The following CDH12 variants were observed in gnomAD, a reference collection of about 807,000 sequenced individuals.
CDH12 encodes cadherin-12.
A neutral mutation model predicts 74.1 loss-of-function variants in CDH12; 41 were observed. The ratio of observed to expected loss-of-function variants is 0.55; its 90% confidence interval spans 0.43 to 0.72. The LOEUF is 0.72. Ranked by LOEUF, CDH12 falls within the 30% of genes least tolerant of loss-of-function variation. The pLI, the probability that CDH12 is intolerant of heterozygous loss-of-function variation, is 0.00. For synonymous variants in CDH12, 399 were observed against 355.0 expected (o/e 1.12, Z -1.39); for missense variants, 945 against 977.2 (o/e 0.97, Z 0.44).
At chr5:22,246,134 A>G (rs1752937250) in intron 3 of CDH12, among the ~76,000 whole-genome samples, 1 of 152,176 alleles carries the variant, frequency 6.6e-6, no homozygotes, top group African/African-American at 2.4e-5. Context: ...GATATTTTAT[A>G]TTTTGAATAA....
intron 1 of CDH12, among the ~76,000 whole-genome samples, chr5:22,564,750 T>C (rs1739211988): frequency 6.6e-6 from 1 of 152,212 alleles, no homozygotes; most frequent in Non-Finnish European, 1.5e-5. Context: ...TTTAACTTTG[T>C]TTCACTGTGT....
chr5:22,190,782 A>T (rs1750229783), intron 4 of CDH12, among the ~76,000 whole-genome samples: 1 of 152,234 alleles, frequency 6.6e-6, no homozygotes, highest in South Asian at 2.1e-4. Flanking sequence ...AAGCCTGTTG[A>T]CTTCAATTAA....
intron 2 of CDH12, among the ~76,000 whole-genome samples, chr5:22,448,904 T>C (rs1744934580): frequency 6.6e-6 from 1 of 151,908 alleles, no homozygotes; most frequent in Non-Finnish European, 1.5e-5. Flanking sequence ...TTTCAAGAAA[T>C]GTCAATAAAA....
At chr5:22,701,074 T>C (rs1389449461) in intron 1 of CDH12, among the ~76,000 whole-genome samples, 1 of 152,162 alleles carries the variant, frequency 6.6e-6, no homozygotes, top group East Asian at 1.9e-4. Context: ...ATTGTTAATC[T>C]GATCTGATCT....
At chr5:22,401,909 A>T (rs1205911895) in intron 3 of CDH12, among the ~76,000 whole-genome samples, 1 of 152,192 alleles carries the variant, frequency 6.6e-6, no homozygotes, top group African/African-American at 2.4e-5. Flanking sequence ...GCCAAGGAAC[A>T]TGAGGGTTAG....
At chr5:22,446,703 T>C (rs931848728) in intron 2 of CDH12, among the ~76,000 whole-genome samples, 1 of 152,126 alleles carries the variant, frequency 6.6e-6, no homozygotes, top group Non-Finnish European at 1.5e-5. Flanking sequence ...GCTATAATTG[T>C]CCAATCGATT....
chr5:22,546,481 T>G (rs891520362), intron 1 of CDH12, among the ~76,000 whole-genome samples: 29 of 152,138 alleles, frequency 1.9e-4, no homozygotes, highest in Non-Finnish European at 2.9e-4. Context: ...CTTCCATATA[T>G]CAGGTCAGTT....
Position 22,144,650 on chromosome 5 carries a change from G to T in CDH12, c.-186-65788C>A, listed in dbSNP as rs189675529. Among the ~76,000 whole-genome samples the T allele has an allele frequency of 1.8e-4, 28 of 152,090 alleles. No homozygotes were observed. The East Asian group carries it at 5.4e-3, about 29-fold the overall frequency. On this transcript the variant is annotated intron_variant, in intron 4 of 14. Coordinates refer to ENST00000382254, the MANE Select transcript of CDH12 (RefSeq NM_004061.5). Reference sequence around the variant, plus strand: ...TTTAACTAATACTGGTTCTCTACCTGCTTAGATTAACTGGTAAGAATCTTA... The same window carrying T: ...TTTAACTAATACTGGTTCTCTACCTTCTTAGATTAACTGGTAAGAATCTTA...
chr5:21,809,459 T>C (rs979509147), intron 9 of CDH12, among the ~76,000 whole-genome samples: 1 of 152,132 alleles, frequency 6.6e-6, no homozygotes, highest in Non-Finnish European at 1.5e-5. Context: ...TTATCTTTTC[T>C]AACATGCATT....
At chr5:22,247,888 A>G (rs2150385425) in intron 3 of CDH12, among the ~76,000 whole-genome samples, 1 of 152,298 alleles carries the variant, frequency 6.6e-6, no homozygotes, top group Non-Finnish European at 1.5e-5. Context: ...ACATATGCTC[A>G]AACCTTAAAC....
intron 3 of CDH12, among the ~76,000 whole-genome samples, chr5:22,383,675 C>G (rs1741865163): frequency 1.3e-5 from 2 of 152,172 alleles, no homozygotes; most frequent in Non-Finnish European, 2.9e-5. Context: ...AAAATAATCT[C>G]CCAATTCATG....
In CDH12 at chr5:22,153,613, A is replaced by C. The variant is rs185713826; in HGVS notation, c.-187+58885T>G. On this transcript the variant is annotated intron_variant, in intron 4 of 14. Coordinates refer to ENST00000382254, the MANE Select transcript of CDH12 (RefSeq NM_004061.5). The stretch of plus-strand genomic sequence containing the variant: ...TAAGCCTCAGTTTCTTTATCTGTAA[A>C]GTGGGAGTTACAGTGGTATTATCTC... 4.4e-3 allele frequency among the ~76,000 whole-genome samples: 665 copies of C among 151,168 alleles called. 4 individuals are homozygous for C. The highest frequency in any genetic ancestry group is 0.016 in the African/African-American group (642 of 41,314).
chr5:21,838,319 G>A (rs1413095770), intron 8 of CDH12, among the ~76,000 whole-genome samples: 1 of 152,120 alleles, frequency 6.6e-6, no homozygotes, highest in Non-Finnish European at 1.5e-5. Flanking sequence ...CAGCACTTTG[G>A]GAGGCCAAGG....
At chr5:22,295,551 A>G (rs984422055) in intron 3 of CDH12, among the ~76,000 whole-genome samples, 2 of 152,188 alleles carry the variant, frequency 1.3e-5, no homozygotes, top group South Asian at 2.1e-4. Flanking sequence ...GCCTGGGGGA[A>G]TATGAACAAA....
chr5:22,141,235 C>A (rs1207504760), intron 4 of CDH12: 3 of 152,170 alleles, frequency 2.0e-5, no homozygotes, highest in Non-Finnish European at 4.4e-5. Context: ...TGGCATGATT[C>A]TCTCTCACTG....
chr5:22,612,275 T>C (rs892457625), intron 1 of CDH12, among the ~76,000 whole-genome samples: 1 of 152,198 alleles, frequency 6.6e-6, no homozygotes, highest in African/African-American at 2.4e-5. Flanking sequence ...TGTAAATCTT[T>C]ATACAGGTTA....
At chr5:21,840,376 TA>T (rs1749769811) in intron 8 of CDH12, among the ~76,000 whole-genome samples, 1 of 152,068 alleles carries the variant, frequency 6.6e-6, no homozygotes, top group Non-Finnish European at 1.5e-5. Flanking sequence ...TATTTTTTAC[TA>T]AAGTAACCCT....
intron 1 of CDH12, among the ~76,000 whole-genome samples, chr5:22,813,527 G>C (rs906473882): frequency 6.6e-6 from 1 of 152,080 alleles, no homozygotes; most frequent in Non-Finnish European, 1.5e-5. Flanking sequence ...TTCTCTTTGA[G>C]TGAGGGCAGA....
intron 3 of CDH12, among the ~76,000 whole-genome samples, chr5:22,379,137 A>C (rs75056070): frequency 0.033 from 5,039 of 152,256 alleles, 274 homozygotes; most frequent in African/African-American, 0.12. Context: ...TAAGAAACTT[A>C]ATACAGTCCT....
Sources: gnomAD v4.1 joint callset for allele counts (sites outside exome capture counted in the v4.1 genomes callset) on GRCh38, gnomAD v4.1.1 for gene constraint, MANE v1.5 for transcripts, NCBI Gene and HGNC (gene_info 2026-07-23, HGNC 2026-07-21) for gene names.